CCNP: variants seen among roughly 807,000 people sequenced by gnomAD.
CCNP encodes the protein cyclin-P.
Under a neutral mutation model 19.6 loss-of-function variants are expected in CCNP, and 18 were observed. The observed-to-expected ratio is 0.92, with a 90% CI of 0.64 to 1.36. CCNP has a LOEUF of 1.36. Among genes scored for constraint, CCNP ranks in the 40% most tolerant of loss-of-function variants. The pLI, the probability that CCNP is intolerant of heterozygous loss-of-function variation, is 0.00. For missense variants in CCNP, 440 were observed against 424.4 expected (o/e 1.04, Z -0.32); for synonymous variants, 228 against 194.9 (o/e 1.17, Z -1.41).
intron 2 of CCNP, 24 bp downstream of exon 2, chr19:40,224,698 C>T: frequency 6.2e-7 from 1 of 1,606,790 alleles, no homozygotes; most frequent in South Asian, 1.1e-5. Flanking sequence ...AAACTCAGCC[C>T]CCCACACCCT....
In CCNP at chr19:40,222,433, G is replaced by A. The variant is rs1347223645; in HGVS notation, c.*619C>T. The A allele has an allele frequency of 2.8e-5, 11 of 398,678 alleles. No homozygotes were observed. The highest frequency in any genetic ancestry group is 6.2e-5 in the African/African-American group (3 of 48,752). The allele number at this position is 398,678 out of a possible 1,614,324, so 24.7% of individuals were successfully genotyped here. ...CCGGCGCGGGACCTCGGAGCGCAGC[G>A]CGGGCCATGCACGGCTCGAGGGTGC... On this transcript the variant is annotated 3_prime_UTR_variant, in exon 5 of 5. Coordinates refer to ENST00000430325, the MANE Select transcript of CCNP (RefSeq NM_024877.4).
In CCNP at chr19:40,223,068, A is replaced by G. The variant is rs763420654; in HGVS notation, c.908T>C (p.Met303Thr). Residue 303 changes from methionine to threonine, a missense_variant, in exon 5 of 5, where the codon ATG (methionine) becomes ACG (threonine). Physicochemically the swap from Met to Thr is moderately conservative, Grantham distance 81 (BLOSUM62 -1). Transcript: ENST00000430325. Reference protein sequence around the residue: ...PSWSFLRSRRMRDNY With the variant: ...PSWSFLRSRRTRDNY ...ACCTCCTCCTCAATAATTGTCTCTC[A>G]TTCTCCGAGACCGTAAAAATGACCA... 1.4e-5 allele frequency: 22 copies of G among 1,538,524 alleles called. No individual in the cohort carries two copies. In the African/African-American group the frequency reaches 2.1e-4, roughly 14 times the overall value.
chr19:40,223,032 G>A lies in CCNP; in HGVS notation c.*20C>T. The A allele has an allele frequency of 1.4e-6, 2 of 1,419,016 alleles. No individual in the cohort carries two copies. The highest frequency in any genetic ancestry group is 9.7e-7 in the Non-Finnish European group (1 of 1,033,730). The allele number at this position is 1,419,016 out of a possible 1,614,324, so 87.9% of individuals were successfully genotyped here. A position where few individuals can be genotyped will look rare whatever the true frequency, so the allele number is the denominator to read the frequency against. Reference sequence around the variant, plus strand: ...TCTCTCCCACACCCAGAAAAATCAAGTCTAGGTGCCACCTCCTCCTCAATA... The same window carrying A: ...TCTCTCCCACACCCAGAAAAATCAAATCTAGGTGCCACCTCCTCCTCAATA... On this transcript the variant is annotated 3_prime_UTR_variant, in exon 5 of 5. Transcript: ENST00000430325.
At chr19:40,223,630 G>A (rs1481194022) in intron 3 of CCNP, 84 bp from the exon 4 acceptor site, 1 of 1,583,730 alleles carries the variant, frequency 6.3e-7, no homozygotes, top group Non-Finnish European at 8.7e-7. Context: ...CCCAAGTTCC[G>A]GACCTCAGTT....
At position 40,226,577 on chromosome 19, in the gene CCNP, G is replaced by A. The variant is rs764865219; in HGVS notation, c.65C>T (p.Ala22Val). 17 of 1,576,856 alleles carry A rather than the reference G, an allele frequency of 1.1e-5. No homozygotes were observed. Among genetic ancestry groups the A allele is most frequent in the Non-Finnish European group, 1.3e-5 (15 of 1,163,582 alleles). Residue 22 changes from alanine to valine, a missense_variant, in exon 1 of 5, where the codon GCC becomes GTC. By Grantham distance (64) the Ala-to-Val change is moderately conservative (BLOSUM62 0). Coordinates refer to ENST00000430325, the MANE Select transcript of CCNP (RefSeq NM_024877.4). ...SRLGPIVRRWAPRPSPLQSLA... is the reference protein window; with the variant it reads ...SRLGPIVRRWVPRPSPLQSLA... ...ACTCTGCAAAGGAGAGGGCCTGGGG[G>A]CCCAGCGCCTAACGATAGGCCCGAG...
Position 40,223,396 on chromosome 19 carries a change from T to G in CCNP, c.664A>C (p.Ser222Arg). ...LGLLAALAGS[S>R]PQVMLLATYF... ...TATTCACAAGGGCTCACCTGGGGGC[T>G]GCTCCCTGCCAGCGCGGCCAGCAGC... Residue 222 changes from serine to arginine, a missense_variant, in exon 4 of 5, where the codon AGC becomes CGC. Ser to Arg is a moderately radical substitution (Grantham distance 110). Coordinates refer to ENST00000430325, the MANE Select transcript of CCNP (RefSeq NM_024877.4). 1.3e-6 allele frequency: 2 copies of G among 1,556,766 alleles called. No homozygotes were observed. The highest frequency in any genetic ancestry group is 2.3e-5 in the South Asian group (2 of 85,192).
At chr19:40,223,864 T>C (rs1568501384) in intron 3 of CCNP, among the ~76,000 whole-genome samples, 2 of 152,100 alleles carry the variant, frequency 1.3e-5, no homozygotes, top group African/African-American at 4.8e-5. Flanking sequence ...GGCACTGAAT[T>C]CATGCATGTT....
chr19:40,223,177 A>G lies in CCNP; in HGVS notation c.799T>C (p.Ser267Pro). Residue 267 changes from serine (S) to proline (P), a missense_variant, in exon 5 of 5, where the codon TCC (serine) becomes CCC (proline). Coordinates refer to ENST00000430325, the MANE Select transcript of CCNP (RefSeq NM_024877.4). ...LAHRLLDGAG[S>P]RLQPELYRCS... ...CTGTAAAGTTCTGGCTGGAGCCTGG[A>G]GCCCGCCCCGTCGAGCAAGCGGTGC... The G allele has an allele frequency of 1.9e-6, 3 of 1,551,320 alleles. No individual in the cohort carries two copies. Among genetic ancestry groups the G allele is most frequent in the Non-Finnish European group, 2.6e-6 (3 of 1,146,910 alleles).
chr19:40,223,817 A>AGAT (rs1491403512), intron 3 of CCNP, among the ~76,000 whole-genome samples: 1 of 150,762 alleles, frequency 6.6e-6, no homozygotes, highest in Non-Finnish European at 1.5e-5. Flanking sequence ...CCCGTAAAAC[A>AGAT]GATACTACTC....
intron 3 of CCNP, 72 bp from the exon 4 acceptor site, chr19:40,223,618 G>C: frequency 6.3e-7 from 1 of 1,597,986 alleles, no homozygotes; most frequent in Non-Finnish European, 8.6e-7. Context: ...CCCTGGAAAG[G>C]CCCCAAGTTC....
Position 40,226,338 on chromosome 19 carries a change from C to G in CCNP, c.267+37G>C, listed in dbSNP as rs1568502521. Reference sequence around the variant, plus strand: ...GAGTGGGTGCCGGGCGGTGGGCCGGCGTCGCCCTCACCAGGGCAGGCGGCG... The same window carrying G: ...GAGTGGGTGCCGGGCGGTGGGCCGGGGTCGCCCTCACCAGGGCAGGCGGCG... On this transcript the variant is annotated intron_variant, in intron 1 of 4. Transcript: ENST00000430325. The G allele has an allele frequency of 1.9e-6, 3 of 1,577,512 alleles. No individual in the cohort carries two copies. The African/African-American group carries it at 4.0e-5, about 21-fold the overall frequency.
At position 40,223,003 on chromosome 19, in the gene CCNP, C is replaced by G. The variant is rs991612941; in HGVS notation, c.*49G>C. On this transcript the variant is annotated 3_prime_UTR_variant, in exon 5 of 5. Coordinates refer to ENST00000430325, the MANE Select transcript of CCNP (RefSeq NM_024877.4). ...TCTGGACTAATGGGGTCCTCCCACC[C>G]CATTCTCTCCCACACCCAGAAAAAT... 5.4e-6 allele frequency: 6 copies of G among 1,113,896 alleles called. No individual in the cohort carries two copies. In the African/African-American group the frequency reaches 7.9e-5, roughly 15 times the overall value. 69.0% of individuals were successfully genotyped at this position (1,113,896 alleles called of 1,614,324 possible).
intron 1 of CCNP, among the ~76,000 whole-genome samples, chr19:40,225,114 C>A (rs983259376): frequency 1.3e-5 from 2 of 150,372 alleles, no homozygotes; most frequent in Non-Finnish European, 2.9e-5. Context: ...GGCTGGAGTG[C>A]AATGGCGCAA....
At position 40,224,462 on chromosome 19, in the gene CCNP, C is replaced by T. The variant is rs910084824; in HGVS notation, c.513+26G>A. The stretch of plus-strand genomic sequence containing the variant: ...TTACTCCCCAAAGGACTCCATCCAC[C>T]CTCCCAAACCCCACCCCGGAAGTAC... On this transcript the variant is annotated intron_variant, in intron 3 of 4. Coordinates refer to ENST00000430325, the MANE Select transcript of CCNP (RefSeq NM_024877.4). 3.1e-6 allele frequency: 5 copies of T among 1,610,908 alleles called. No individual in the cohort carries two copies. The African/African-American group carries it at 4.0e-5, about 13-fold the overall frequency.
chr19:40,225,666 C>T (rs1307622266), intron 1 of CCNP, among the ~76,000 whole-genome samples: 1 of 152,214 alleles, frequency 6.6e-6, no homozygotes, highest in East Asian at 1.9e-4. Context: ...CCTTCCCCAG[C>T]CCCTTACTCG....
intron 1 of CCNP, 146 bp from the exon 2 acceptor site, chr19:40,224,957 T>A: frequency 1.0e-5 from 7 of 667,338 alleles, no homozygotes; most frequent in South Asian, 7.6e-5. Flanking sequence ...TGAGCTCCTC[T>A]TACGTGTCCT....
intron 1 of CCNP, chr19:40,225,062 C>T (rs1973521166): frequency 5.4e-6 from 2 of 372,996 alleles, no homozygotes; most frequent in Admixed American, 4.6e-5. Context: ...CCAGACTTCA[C>T]TTTTTTTTTT....
In CCNP at chr19:40,222,862, G is replaced by A; in HGVS notation, c.*190C>T. 3 of 524,054 alleles carry A rather than the reference G, an allele frequency of 5.7e-6. No homozygotes were observed. Among genetic ancestry groups the A allele is most frequent in the Non-Finnish European group, 1.0e-5 (3 of 294,626 alleles). 32.5% of individuals were successfully genotyped at this position (524,054 alleles called of 1,614,324 possible). A position where few individuals can be genotyped will look rare whatever the true frequency, so the allele number is the denominator to read the frequency against. ...CACCCCATCCACCACCAGATACAGAGATGGAGGACTCGAGGCCTGGGTGAT... is the reference window on the plus strand; with the variant it reads ...CACCCCATCCACCACCAGATACAGAAATGGAGGACTCGAGGCCTGGGTGAT... On this transcript the variant is annotated 3_prime_UTR_variant, in exon 5 of 5. Transcript: ENST00000430325.
intron 1 of CCNP, among the ~76,000 whole-genome samples, chr19:40,226,045 A>G (rs1973534398): frequency 6.6e-6 from 1 of 152,272 alleles, no homozygotes; most frequent in African/African-American, 2.4e-5. Context: ...GAACGAGGCC[A>G]GCATTGCAGC....
Sources: gnomAD v4.1 joint callset for allele counts (sites outside exome capture counted in the v4.1 genomes callset) on GRCh38, gnomAD v4.1.1 for gene constraint, MANE v1.5 for transcripts, NCBI Gene and HGNC (gene_info 2026-07-23, HGNC 2026-07-21) for gene names.